Variants in PKP1 observed in about 807,000 individuals in gnomAD.
The protein encoded by PKP1 is plakophilin-1.
In PKP1, 27 loss-of-function variants were observed where a neutral mutation model predicts 76.4. The ratio of observed to expected loss-of-function variants is 0.35; its 90% CI spans 0.26 to 0.49. The LOEUF (loss-of-function observed/expected upper bound fraction) is 0.49. Among genes scored for constraint, PKP1 ranks in the 20% least tolerant of loss-of-function variants. The pLI, the probability that PKP1 is intolerant of heterozygous loss-of-function variation, is 0.99. For missense variants in PKP1, 964 were observed against 955.2 expected (o/e 1.01, Z -0.12); for synonymous variants, 404 against 384.2 (o/e 1.05, Z -0.60).
At chr1:201,306,522 A>G (rs919280830) in intron 2 of PKP1, among the ~76,000 whole-genome samples, 3 of 152,260 alleles carry the variant, frequency 2.0e-5, no homozygotes, top group African/African-American at 7.2e-5. Context: ...TTCTACTTAG[A>G]AAAGTTGTCC....
rs566868682 is a variant in PKP1, at chr1:201,331,676, C to G, written c.*1635C>G. ...AGTCCAAACCCACCTCTTGCCCCAG[C>G]ATTCAGGCTGGAAAACACTGATGTG... On this transcript the variant is annotated 3_prime_UTR_variant, in exon 14 of 14. Coordinates refer to ENST00000367324, the MANE Select transcript of PKP1 (RefSeq NM_001005337.3). 4 of 152,510 alleles carry G rather than the reference C, an allele frequency of 2.6e-5. No homozygotes were observed. The East Asian group carries it at 5.8e-4, about 22-fold the overall frequency. 9.4% of individuals were successfully genotyped at this position (152,510 alleles called of 1,614,324 possible).
At chr1:201,321,898 T>A in intron 7 of PKP1, 80 bp from the exon 8 acceptor site, 2 of 1,539,398 alleles carry the variant, frequency 1.3e-6, no homozygotes, top group South Asian at 2.2e-5. Context: ...TCTGCTCTCT[T>A]ATTAGCTAGG....
At chr1:201,314,591 C>T (rs973586179) in intron 3 of PKP1, among the ~76,000 whole-genome samples, 4 of 152,228 alleles carry the variant, frequency 2.6e-5, no homozygotes, top group Admixed American at 2.6e-4. Flanking sequence ...CCAGAGGAAA[C>T]AAAGGAGACC....
chr1:201,306,791 C>A (rs1345761892), intron 2 of PKP1, among the ~76,000 whole-genome samples: 3 of 152,184 alleles, frequency 2.0e-5, no homozygotes, highest in African/African-American at 4.8e-5. Context: ...TCTCCTGCCT[C>A]AGCCTCCCGA....
chr1:201,283,597 C>T lies in PKP1; in HGVS notation c.-106C>T, dbSNP rs781737031. 1.7e-5 allele frequency: 17 copies of T among 990,202 alleles called. No individual in the cohort carries two copies. The highest frequency in any genetic ancestry group is 4.8e-5 in the African/African-American group (3 of 61,988). 61.3% of individuals were successfully genotyped at this position (990,202 alleles called of 1,614,324 possible). On this transcript the variant is annotated 5_prime_UTR_variant, in exon 1 of 14. Transcript: ENST00000367324. ...CACGCACTCTATGGCCGTAGGGAGC[C>T]GCTGAGAGCGAGAAGAGCACGCTCC...
chr1:201,294,189 T>C (rs1656011638), intron 2 of PKP1, 144 bp downstream of exon 2: 1 of 700,436 alleles, frequency 1.4e-6, no homozygotes, highest in Non-Finnish European at 2.6e-6. Flanking sequence ...TCTGACTAGG[T>C]CTGTTGACTT....
At chr1:201,327,108 G>A (rs3767520) in intron 12 of PKP1, among the ~76,000 whole-genome samples, 2 of 152,204 alleles carry the variant, frequency 1.3e-5, no homozygotes, top group African/African-American at 4.8e-5. Flanking sequence ...AGTGGATGGG[G>A]ATGGATGGGG....
At chr1:201,289,833 G>C (rs1655862694) in intron 1 of PKP1, among the ~76,000 whole-genome samples, 1 of 152,178 alleles carries the variant, frequency 6.6e-6, no homozygotes, top group Non-Finnish European at 1.5e-5. Flanking sequence ...TCAGAGCTGG[G>C]TGCGGTCATC....
At chr1:201,309,950 A>G (rs1656488227) in intron 2 of PKP1, among the ~76,000 whole-genome samples, 1 of 152,230 alleles carries the variant, frequency 6.6e-6, no homozygotes, top group Admixed American at 6.5e-5. Context: ...GAAGTGCCCC[A>G]TCTGGGCAGA....
chr1:201,325,831 TCAGA>T lies in PKP1; in HGVS notation c.2103_2106del (p.Arg701SerfsTer12). ...TCCAGCAAGGAACTGCAGGGTGTCCTCAGACAGGTAAGAGCCCAGGACATCATCC... is the reference window on the plus strand; with the variant it reads ...TCCAGCAAGGAACTGCAGGGTGTCCTCAGGTAAGAGCCCAGGACATCATCC... On this transcript the variant is annotated frameshift_variant, in exon 12 of 14. Transcript: ENST00000367324. LOFTEE classifies it high-confidence loss of function. 6.2e-7 allele frequency: 1 copy of T among 1,612,972 alleles called. No individual in the cohort carries two copies. The highest frequency in any genetic ancestry group is 8.5e-7 in the Non-Finnish European group (1 of 1,179,024).
intron 6 of PKP1, chr1:201,320,053 A>G (rs1174417197): frequency 4.1e-6 from 3 of 733,890 alleles, no homozygotes; most frequent in East Asian, 2.7e-5. Context: ...TTCCGTTTTC[A>G]TCTTTTCCTC....
chr1:201,324,336 G>T (rs979371711), intron 9 of PKP1, 92 bp from the exon 10 acceptor site: 2 of 1,325,890 alleles, frequency 1.5e-6, no homozygotes, highest in Non-Finnish European at 2.2e-6. Context: ...AGGGTTCTGG[G>T]ATGTCTGCCT....
intron 1 of PKP1, among the ~76,000 whole-genome samples, chr1:201,285,741 G>A (rs998316798): frequency 4.6e-5 from 7 of 152,318 alleles, no homozygotes; most frequent in South Asian, 4.1e-4. Context: ...CCTACCTATC[G>A]GGATATTGGC....
At position 201,299,128 on chromosome 1, in the gene PKP1, C is replaced by G. The variant is rs544630179; in HGVS notation, c.306+5083C>G. 3.4e-4 allele frequency among the ~76,000 whole-genome samples: 51 copies of G among 152,204 alleles called. 2 individuals are homozygous for G. Among genetic ancestry groups the G allele is most frequent in the Non-Finnish European group, 2.9e-5 (2 of 68,044 alleles). On this transcript the variant is annotated intron_variant, in intron 2 of 13. Transcript: ENST00000367324. ...CCTAGCAGCAGCAGAAACAGACTGT[C>G]CTTACCAATCCGCAGTCAACAGAGG...
chr1:201,304,273 AG>A (rs1256607197), intron 2 of PKP1, among the ~76,000 whole-genome samples: 1 of 152,236 alleles, frequency 6.6e-6, no homozygotes, highest in Admixed American at 6.5e-5. Context: ...CAGAAGATCC[AG>A]GGCTCAGCTT....
At chr1:201,328,360 C>T in intron 12 of PKP1, 1 of 333,450 alleles carries the variant, frequency 3.0e-6, no homozygotes, top group South Asian at 2.6e-5. Flanking sequence ...GGCATGTCCT[C>T]TCTGCCCAAG....
At chr1:201,289,880 G>T (rs930285823) in intron 1 of PKP1, among the ~76,000 whole-genome samples, 1 of 152,190 alleles carries the variant, frequency 6.6e-6, no homozygotes, top group Non-Finnish European at 1.5e-5. Flanking sequence ...GGTTTTGAAT[G>T]CAGGGGGAGG....
chr1:201,326,806 G>A (rs1657140206), intron 12 of PKP1, among the ~76,000 whole-genome samples: 2 of 152,258 alleles, frequency 1.3e-5, no homozygotes, highest in East Asian at 3.8e-4. Context: ...CATGTGTATG[G>A]AAAAGTCTTG....
At chr1:201,310,806 A>G (rs1656526461) in intron 2 of PKP1, among the ~76,000 whole-genome samples, 1 of 152,172 alleles carries the variant, frequency 6.6e-6, no homozygotes, top group Admixed American at 6.5e-5. Context: ...TGATGGTGGT[A>G]GGCTGGGAAA....
Sources: allele counts gnomAD v4.1 joint callset (sites outside exome capture counted in the v4.1 genomes callset), GRCh38; gene constraint gnomAD v4.1.1; transcripts MANE v1.5; gene names NCBI Gene and HGNC (gene_info 2026-07-23, HGNC 2026-07-21).